VCPKMT: variants seen among roughly 807,000 people sequenced by gnomAD.
VCPKMT encodes protein N-lysine methyltransferase METTL21D.
VCPKMT carries 32 observed loss-of-function variants against 28.6 expected under a neutral mutation model. That is an observed-to-expected ratio of 1.12 (90% CI 0.84 to 1.50). VCPKMT has a LOEUF of 1.50. Ranked by LOEUF, VCPKMT falls within the 40% of genes most tolerant of loss-of-function variation. The probability of loss-of-function intolerance (pLI) is 0.00; values close to 1 mark genes in which losing one functional copy is unlikely to be tolerated. For synonymous variants in VCPKMT, 138 were observed against 111.4 expected (o/e 1.24, Z -1.50); for missense variants, 366 against 285.0 (o/e 1.28, Z -2.05).
At chr14:50,115,397 C>G (rs1883066595) in intron 3 of VCPKMT, among the ~76,000 whole-genome samples, 1 of 152,182 alleles carries the variant, frequency 6.6e-6, no homozygotes, top group South Asian at 2.1e-4. Context: ...GGTGAGCCAC[C>G]TGCCTTGACC....
intron 5 of VCPKMT, chr14:50,112,026 T>G (rs1242958378): frequency 1.0e-6 from 1 of 985,056 alleles, no homozygotes; most frequent in Non-Finnish European, 1.2e-6. Context: ...ATACATAAAT[T>G]CTACTTAATT....
rs1395268249 is a variant in VCPKMT at position 50,108,738 on chromosome 14, T to C, written c.*961A>G. 5 of 985,754 alleles carry C rather than the reference T, an allele frequency of 5.1e-6. No homozygotes were observed. The highest frequency in any genetic ancestry group is 3.5e-5 in the African/African-American group (2 of 57,246). 61.1% of individuals were successfully genotyped at this position (985,754 alleles called of 1,614,324 possible). ...CGGTTACTACTCTTTGGAACAAGTATGATTAAAGTCCTTGACAGATTATTG... is the reference window on the plus strand; with the variant it reads ...CGGTTACTACTCTTTGGAACAAGTACGATTAAAGTCCTTGACAGATTATTG... On this transcript the variant is annotated 3_prime_UTR_variant, in exon 6 of 6. Coordinates refer to ENST00000395860, the MANE Select transcript of VCPKMT (RefSeq NM_024558.3).
intron 3 of VCPKMT, 78 bp from the exon 4 acceptor site, chr14:50,114,482 G>A (rs1882961531): frequency 4.1e-6 from 4 of 972,334 alleles, no homozygotes; most frequent in Admixed American, 7.5e-5. Context: ...GAGGTACAGG[G>A]GTATTTATAG....
downstream of VCPKMT, among the ~76,000 whole-genome samples, chr14:50,107,160 T>C (rs1454025864): frequency 1.3e-5 from 2 of 152,330 alleles, no homozygotes; most frequent in Admixed American, 6.5e-5. Flanking sequence ...TGTGGAATAG[T>C]AGTTGGTGAT....
At position 50,109,602 on chromosome 14, in the gene VCPKMT, T is replaced by A. The variant is rs1486899597; in HGVS notation, c.*97A>T. 3 of 1,473,692 alleles carry A rather than the reference T, an allele frequency of 2.0e-6. No individual in the cohort carries two copies. Among genetic ancestry groups the A allele is most frequent in the East Asian group, 5.1e-5 (2 of 39,032 alleles). 91.3% of individuals were successfully genotyped at this position (1,473,692 alleles called of 1,614,324 possible). A position where few individuals can be genotyped will look rare whatever the true frequency, so the allele number is the denominator to read the frequency against. On this transcript the variant is annotated 3_prime_UTR_variant, in exon 6 of 6. Transcript: ENST00000395860. ...TCTAAGGACGTGCCGGAAAAAAAAA[T>A]CTGTGAACACAATCTTCCCATGCTG...
At chr14:50,104,688 C>A (rs1363612960), downstream of VCPKMT, among the ~76,000 whole-genome samples, 6 of 135,468 alleles carry the variant, frequency 4.4e-5, no homozygotes, top group African/African-American at 1.7e-4. Context: ...ACCACTTACT[C>A]TATTGAAAAA....
downstream of VCPKMT, among the ~76,000 whole-genome samples, chr14:50,104,652 A>C (rs1207628101): frequency 1.3e-5 from 2 of 151,938 alleles, no homozygotes; most frequent in Non-Finnish European, 2.9e-5. Context: ...CCAAAGACAC[A>C]GCTTCAGCCT....
At chr14:50,114,447 T>G (rs757235005) in intron 3 of VCPKMT, 43 bp from the exon 4 acceptor site, 1 of 1,365,406 alleles carries the variant, frequency 7.3e-7, no homozygotes, top group Non-Finnish European at 9.6e-7. Context: ...ATTTAAAAAT[T>G]TTTCTACTCT....
chr14:50,108,481 C>G (rs117557401), downstream of VCPKMT, among the ~76,000 whole-genome samples: 510 of 152,198 alleles, frequency 3.4e-3, 3 homozygotes, highest in Non-Finnish European at 5.4e-3. Flanking sequence ...GGGAAACCAG[C>G]AAAGGAAACT....
intron 4 of VCPKMT, among the ~76,000 whole-genome samples, chr14:50,113,698 T>C (rs1882866763): frequency 6.7e-6 from 1 of 148,270 alleles, no homozygotes. Flanking sequence ...TAAAAACTTA[T>C]CACTTGGCAA....
downstream of VCPKMT, among the ~76,000 whole-genome samples, chr14:50,105,168 AC>A (rs1419864196): frequency 2.0e-5 from 3 of 152,214 alleles, no homozygotes; most frequent in Non-Finnish European, 4.4e-5. Context: ...GGCCTTTAGA[AC>A]AACAGATGTT....
intron 3 of VCPKMT, among the ~76,000 whole-genome samples, chr14:50,115,403 T>G (rs1262582018): frequency 6.6e-6 from 1 of 152,164 alleles, no homozygotes; most frequent in Admixed American, 6.5e-5. Flanking sequence ...CCACCTGCCT[T>G]GACCTCCCAA....
chr14:50,106,712 T>G, downstream of VCPKMT: 32 of 863,162 alleles, frequency 3.7e-5, no homozygotes, highest in South Asian at 1.1e-4. Flanking sequence ...TCCTCAGGCC[T>G]TCCTCCTGCG....
At chr14:50,104,305 A>G (rs529161299), downstream of VCPKMT, among the ~76,000 whole-genome samples, 1 of 152,366 alleles carries the variant, frequency 6.6e-6, no homozygotes, top group East Asian at 1.9e-4. Context: ...GAACTTCACC[A>G]ACACATAAGA....
At chr14:50,103,117 C>T in the VCPKMT span, among the ~76,000 whole-genome samples, 1 of 152,222 alleles carries the variant, frequency 6.6e-6, no homozygotes, top group Admixed American at 6.5e-5. Context: ...CAATTCTTCT[C>T]CTTCCAGTGT....
At chr14:50,111,431 A>T in intron 5 of VCPKMT, 1 of 985,448 alleles carries the variant, frequency 1.0e-6, no homozygotes, top group Non-Finnish European at 1.2e-6. Flanking sequence ...TTTGACTAGA[A>T]TTCATATAAT....
At chr14:50,111,188 A>G (rs1882630831) in intron 5 of VCPKMT, 3 of 982,878 alleles carry the variant, frequency 3.1e-6, no homozygotes, top group South Asian at 4.7e-5. Context: ...TGGCCGAAAA[A>G]AAAAAAAAAG....
chr14:50,107,550 G>A (rs1482492609), downstream of VCPKMT, among the ~76,000 whole-genome samples: 1 of 152,180 alleles, frequency 6.6e-6, no homozygotes, highest in East Asian at 1.9e-4. Context: ...CCGACCTCAG[G>A]AGATCCGTCT....
chr14:50,115,880 G>A lies in VCPKMT; in HGVS notation c.409C>T (p.Pro137Ser). 2 of 1,613,534 alleles carry A rather than the reference G, an allele frequency of 1.2e-6. No individual in the cohort carries two copies. The highest frequency in any genetic ancestry group is 2.2e-5 in the East Asian group (1 of 44,840). Reference sequence around the variant, plus strand: ...CAGTCGGCCATCAGTATGAAGTCGGGTGGAGAAGGAAAGCCTTCTATTTCT... The same window carrying A: ...CAGTCGGCCATCAGTATGAAGTCGGATGGAGAAGGAAAGCCTTCTATTTCT... ...GEEIEGFPSP[P>S]DFILMADCIY... is the part of the protein sequence containing the mutation. The change falls in exon 3 of 6, where the codon CCC becomes TCC. Residue 137 changes from proline (P) to serine (S), a missense_variant. By Grantham distance (74) the Pro-to-Ser change is moderately conservative (BLOSUM62 -1). Coordinates refer to ENST00000395860, the MANE Select transcript of VCPKMT (RefSeq NM_024558.3).
Sources: allele counts gnomAD v4.1 joint callset (sites outside exome capture counted in the v4.1 genomes callset), GRCh38; gene constraint gnomAD v4.1.1; transcripts MANE v1.5; gene names NCBI Gene and HGNC (gene_info 2026-07-23, HGNC 2026-07-21).